The following ARL6IP5 variants were observed in gnomAD, a reference collection of about 807,000 sequenced individuals.
The protein encoded by ARL6IP5 is PRA1 family protein 3.
Under a neutral mutation model 13.0 loss-of-function variants are expected in ARL6IP5, and 6 were observed. That is an observed-to-expected ratio of 0.46 (90% CI 0.25 to 0.91). The LOEUF is 0.91. Ranked by LOEUF, ARL6IP5 falls within the 40% of genes least tolerant of loss-of-function variation. ARL6IP5 has a pLI of 0.17. For synonymous variants in ARL6IP5, 91 were observed against 91.9 expected, an observed-to-expected ratio of 0.99 and a Z score of 0.06; for missense variants, 208 against 248.8, an observed-to-expected ratio of 0.84 and a Z score of 1.10.
At chr3:69,090,578 G>A (rs1370863316) in intron 1 of ARL6IP5, among the ~76,000 whole-genome samples, 3 of 152,202 alleles carry the variant, frequency 2.0e-5, no homozygotes, top group Non-Finnish European at 4.4e-5. Flanking sequence ...TCTCTCAGGT[G>A]TTGGGAATAG....
chr3:69,099,168 C>T (rs1320852032), intron 1 of ARL6IP5, among the ~76,000 whole-genome samples: 8 of 143,624 alleles, frequency 5.6e-5, no homozygotes, highest in African/African-American at 8.0e-5. Flanking sequence ...GTCAGGAGTT[C>T]GAGACCAGCC....
chr3:69,101,946 A>G lies in ARL6IP5; in HGVS notation c.284A>G (p.Lys95Arg), dbSNP rs775117047. The change falls in exon 2 of 3, where the codon AAG becomes AGG. Residue 95 changes from lysine (K) to arginine (R), a missense_variant. Physicochemically the swap from Lys to Arg is conservative, Grantham distance 26 (BLOSUM62 2). Transcript: ENST00000273258. ...HNKDVLRRMKKRYPTTFVMVV... is the reference protein window; with the variant it reads ...HNKDVLRRMKRRYPTTFVMVV... Reference sequence around the variant, plus strand: ...AAAGACGTCCTTCGCCGGATGAAGAAGCGCTACCCCACGACGTTCGTTATG... The same window carrying G: ...AAAGACGTCCTTCGCCGGATGAAGAGGCGCTACCCCACGACGTTCGTTATG... 5 of 1,614,050 alleles carry G rather than the reference A, an allele frequency of 3.1e-6. No homozygotes were observed. Among genetic ancestry groups the G allele is most frequent in the East Asian group, 4.5e-5 (2 of 44,856 alleles).
At chr3:69,102,262 C>T in intron 2 of ARL6IP5, 1 of 592,584 alleles carries the variant, frequency 1.7e-6, no homozygotes, top group Non-Finnish European at 3.0e-6. Flanking sequence ...CCTTATAGTT[C>T]ATTAATTCCA....
At chr3:69,098,576 A>T (rs575808869) in intron 1 of ARL6IP5, among the ~76,000 whole-genome samples, 1 of 152,124 alleles carries the variant, frequency 6.6e-6, no homozygotes, top group African/African-American at 2.4e-5. Flanking sequence ...TTTTTAGTAG[A>T]GGTGGGGTTT....
At chr3:69,095,450 A>T (rs2092283845) in intron 1 of ARL6IP5, among the ~76,000 whole-genome samples, 1 of 151,368 alleles carries the variant, frequency 6.6e-6, no homozygotes, top group African/African-American at 2.4e-5. Flanking sequence ...ACGGTTTTTG[A>T]GTTGCAAAAC....
chr3:69,097,380 C>T (rs1290282788), intron 1 of ARL6IP5, among the ~76,000 whole-genome samples: 3 of 147,350 alleles, frequency 2.0e-5, no homozygotes, highest in Non-Finnish European at 3.0e-5. Context: ...CGCCATGTTG[C>T]CTAGGATGGC....
chr3:69,088,496 C>T (rs917032889), intron 1 of ARL6IP5, among the ~76,000 whole-genome samples: 1 of 152,186 alleles, frequency 6.6e-6, no homozygotes, highest in Non-Finnish European at 1.5e-5. Context: ...AGAGGGCCTC[C>T]TCTTCAAGAT....
Position 69,105,004 on chromosome 3 carries a change from A to G in ARL6IP5, c.*368A>G, listed in dbSNP as rs2092318330. 1.6e-6 allele frequency: 1 copy of G among 641,466 alleles called. No individual in the cohort carries two copies. The highest frequency in any genetic ancestry group is 1.8e-5 in the African/African-American group (1 of 54,540). The allele number at this position is 641,466 out of a possible 1,614,324, so 39.7% of individuals were successfully genotyped here. A position where few individuals can be genotyped will look rare whatever the true frequency, so the allele number is the denominator to read the frequency against. On this transcript the variant is annotated 3_prime_UTR_variant, in exon 3 of 3. Transcript: ENST00000273258. ...AATCATTGTAAAGTATCAAGACAAT[A>G]CGAGTAAATGAAAAGGCTGTTAAAG...
At chr3:69,092,286 A>C (rs17005347) in intron 1 of ARL6IP5, among the ~76,000 whole-genome samples, 2 of 152,166 alleles carry the variant, frequency 1.3e-5, no homozygotes, top group African/African-American at 4.8e-5. Flanking sequence ...TTCATATCTC[A>C]TTGGTGCAGC....
intron 2 of ARL6IP5, chr3:69,102,346 C>T (rs894314529): frequency 9.6e-5 from 41 of 426,882 alleles, no homozygotes; most frequent in African/African-American, 6.6e-4. Context: ...TACTCTGTCA[C>T]CCACGCTGTG....
intron 1 of ARL6IP5, among the ~76,000 whole-genome samples, chr3:69,093,839 T>C (rs1295272836): frequency 6.6e-6 from 1 of 151,852 alleles, no homozygotes; most frequent in African/African-American, 2.4e-5. Flanking sequence ...TAGTCTGTAG[T>C]TTCAGCTACT....
At chr3:69,101,617 G>T (rs1483754130) in intron 1 of ARL6IP5, among the ~76,000 whole-genome samples, 1 of 151,840 alleles carries the variant, frequency 6.6e-6, no homozygotes, top group East Asian at 1.9e-4. Flanking sequence ...TACCATTCCT[G>T]GCCTTCCCCA....
At chr3:69,090,185 G>A (rs1029730459) in intron 1 of ARL6IP5, among the ~76,000 whole-genome samples, 3 of 152,220 alleles carry the variant, frequency 2.0e-5, no homozygotes, top group Admixed American at 2.0e-4. Context: ...AACCCTGGGA[G>A]GCTCTGGATC....
rs761806347 is a variant in ARL6IP5, at chr3:69,085,170, C to T, written c.123C>T (p.Leu41=). 3.1e-6 allele frequency: 5 copies of T among 1,614,206 alleles called. No homozygotes were observed. The highest frequency in any genetic ancestry group is 2.2e-5 in the East Asian group (1 of 44,874). Residue 41 remains leucine (L), a synonymous_variant, in exon 1 of 3, where the codon CTC becomes CTT. Transcript: ENST00000273258. ...KWNNRVVSNL[L]YYQTNYLVVA... ...ACAACCGCGTAGTGAGCAACCTGCT[C>T]TATTACCAGACCAACTACCTGGTGG...
intron 1 of ARL6IP5, among the ~76,000 whole-genome samples, chr3:69,094,909 T>C (rs1394365289): frequency 1.3e-5 from 2 of 152,124 alleles, no homozygotes; most frequent in Non-Finnish European, 2.9e-5. Flanking sequence ...TTTCAGTAAC[T>C]TGTGGTAAAA....
intron 2 of ARL6IP5, 138 bp from the exon 3 acceptor site, chr3:69,104,326 C>T: frequency 2.4e-6 from 2 of 827,182 alleles, no homozygotes; most frequent in Non-Finnish European, 3.8e-6. Context: ...CATTTGAAAG[C>T]TTGCATCAAT....
Position 69,104,581 on chromosome 3 carries a change from A to G in ARL6IP5, c.512A>G (p.Gln171Arg). ...GGCATTGTCCTGGATGCCCTAGAAC[A>G]GCAGGAAGAAGGCATCAACAGACTC... ...PMGIVLDALE[Q>R]QEEGINRLTD... Residue 171 changes from glutamine (Q) to arginine (R), a missense_variant, in exon 3 of 3, where the codon CAG becomes CGG. By Grantham distance (43) the Gln-to-Arg change is conservative. Coordinates refer to ENST00000273258, the MANE Select transcript of ARL6IP5 (RefSeq NM_006407.4). 1 of 1,614,112 alleles carries G rather than the reference A, an allele frequency of 6.2e-7. No homozygotes were observed. The highest frequency in any genetic ancestry group is 8.5e-7 in the Non-Finnish European group (1 of 1,179,970).
At chr3:69,094,215 A>G (rs1417750209) in intron 1 of ARL6IP5, among the ~76,000 whole-genome samples, 1 of 152,164 alleles carries the variant, frequency 6.6e-6, no homozygotes, top group Non-Finnish European at 1.5e-5. Context: ...GAGTTCCCTC[A>G]TGCTAATTAC....
intron 1 of ARL6IP5, among the ~76,000 whole-genome samples, chr3:69,096,254 T>C (rs115632755): frequency 0.012 from 1,863 of 152,314 alleles, 38 homozygotes; most frequent in African/African-American, 0.043. Flanking sequence ...CTCTGTTCTT[T>C]TCTCTTGGAC....
Sources: gnomAD v4.1 joint callset for allele counts (sites outside exome capture counted in the v4.1 genomes callset) on GRCh38, gnomAD v4.1.1 for gene constraint, MANE v1.5 for transcripts, NCBI Gene and HGNC (gene_info 2026-07-23, HGNC 2026-07-21) for gene names.